The following GRHL2 variants were observed in gnomAD, a reference collection of about 807,000 sequenced individuals.
GRHL2 encodes the protein grainyhead-like protein 2 homolog.
GRHL2 carries 21 observed loss-of-function variants against 83.8 expected under a neutral mutation model. The ratio of observed to expected loss-of-function variants is 0.25; its 90% CI spans 0.18 to 0.36. GRHL2 has a LOEUF of 0.36. GRHL2 is among the 10% of genes least tolerant of loss of function. The pLI is 1.00. For synonymous variants in GRHL2, 280 were observed against 278.9 expected (o/e 1.00, Z -0.04); for missense variants, 623 against 781.8 (o/e 0.80, Z 2.42).
chr8:101,604,619 G>A (rs12678894), intron 8 of GRHL2, among the ~76,000 whole-genome samples: 77,379 of 151,896 alleles, frequency 0.51, 21,598 homozygotes, highest in African/African-American at 0.74. Context: ...CTGGAACACC[G>A]TAACAATTTG....
In GRHL2 at chr8:101,669,636, GA is replaced by G. The variant is rs1480774811; in HGVS notation, c.*2934del. On this transcript the variant is annotated 3_prime_UTR_variant, in exon 16 of 16. Transcript: ENST00000646743. ...TAACTTAATAGTTTTGTAAATGGGAGAGGGGGAATCTATAAACTATAAATAC... is the reference window on the plus strand; with the variant it reads ...TAACTTAATAGTTTTGTAAATGGGAGGGGGGAATCTATAAACTATAAATAC... The G allele has an allele frequency of 1.3e-5, 2 of 150,348 alleles. No individual in the cohort carries two copies. The highest frequency in any genetic ancestry group is 1.5e-5 in the Non-Finnish European group (1 of 67,972). 9.3% of individuals were successfully genotyped at this position (150,348 alleles called of 1,614,324 possible).
At chr8:101,603,073 TA>T (rs532530785) in intron 8 of GRHL2, among the ~76,000 whole-genome samples, 8 of 149,798 alleles carry the variant, frequency 5.3e-5, no homozygotes, top group Admixed American at 1.3e-4. Context: ...TCAAGATGTT[TA>T]AAAAAAAAAC....
chr8:101,499,248 GGCAACT>G (rs1810172672), intron 1 of GRHL2, among the ~76,000 whole-genome samples: 4 of 152,238 alleles, frequency 2.6e-5, no homozygotes, highest in African/African-American at 9.6e-5. Context: ...AGATAATTCA[GGCAACT>G]GCCTCAGTTC....
At chr8:101,497,798 A>G (rs1810138768) in intron 1 of GRHL2, among the ~76,000 whole-genome samples, 1 of 152,230 alleles carries the variant, frequency 6.6e-6, no homozygotes, top group African/African-American at 2.4e-5. Flanking sequence ...TGTATATCCA[A>G]TGTGTAAGTG....
intron 13 of GRHL2, among the ~76,000 whole-genome samples, chr8:101,644,686 C>G (rs551481296): frequency 6.6e-6 from 1 of 152,196 alleles, no homozygotes; most frequent in Non-Finnish European, 1.5e-5. Context: ...GGGTAAGAAA[C>G]AAAGCTTGAC....
chr8:101,601,159 AACACACACACACACAC>A (rs5893575), intron 8 of GRHL2, among the ~76,000 whole-genome samples: 1 of 137,410 alleles, frequency 7.3e-6, no homozygotes, highest in African/African-American at 2.9e-5. Context: ...GACTGTCTTA[AACACACACACACACAC>A]ACACACACAC....
chr8:101,507,669 T>G (rs796779857), intron 1 of GRHL2, among the ~76,000 whole-genome samples: 24 of 152,278 alleles, frequency 1.6e-4, no homozygotes, highest in African/African-American at 5.5e-4. Context: ...CCAATAGTTT[T>G]ACACTGGGTA....
downstream of GRHL2, among the ~76,000 whole-genome samples, chr8:101,673,286 T>C (rs908563439): frequency 1.3e-5 from 2 of 152,190 alleles, no homozygotes; most frequent in Admixed American, 6.5e-5. Flanking sequence ...GACCCATCTG[T>C]GTGCTGTATT....
intron 5 of GRHL2, among the ~76,000 whole-genome samples, chr8:101,571,314 T>G (rs1281932797): frequency 6.6e-6 from 1 of 152,074 alleles, no homozygotes; most frequent in Non-Finnish European, 1.5e-5. Flanking sequence ...ACATTCCAGG[T>G]AAAAGAGTCA....
intron 7 of GRHL2, 97 bp from the exon 8 acceptor site, chr8:101,598,960 C>T (rs147533924): frequency 5.0e-5 from 42 of 831,908 alleles, no homozygotes; most frequent in Non-Finnish European, 7.2e-5. Context: ...GAAAAATAAA[C>T]GAAGTTTAAA....
chr8:101,596,308 A>G (rs1275440039), intron 7 of GRHL2, among the ~76,000 whole-genome samples: 1 of 152,172 alleles, frequency 6.6e-6, no homozygotes, highest in Non-Finnish European at 1.5e-5. Flanking sequence ...AAACGAGAAC[A>G]CATGCATATG....
intron 1 of GRHL2, among the ~76,000 whole-genome samples, chr8:101,507,840 C>T (rs1810372565): frequency 7.5e-6 from 1 of 132,810 alleles, no homozygotes; most frequent in South Asian, 2.5e-4. Flanking sequence ...TGCAGTGGTG[C>T]AGTCTCAGCT....
chr8:101,528,015 T>G (rs1810842560), intron 1 of GRHL2, among the ~76,000 whole-genome samples: 1 of 152,232 alleles, frequency 6.6e-6, no homozygotes, highest in African/African-American at 2.4e-5. Flanking sequence ...GAAGTGCCAC[T>G]TTTTCATTAT....
chr8:101,651,571 G>C (rs909563921), intron 14 of GRHL2, among the ~76,000 whole-genome samples: 6 of 152,164 alleles, frequency 3.9e-5, no homozygotes, highest in African/African-American at 1.4e-4. Flanking sequence ...GATGCAGTTG[G>C]AATGGACCAC....
chr8:101,593,270 C>T (rs1470559140), intron 7 of GRHL2, among the ~76,000 whole-genome samples: 2 of 152,188 alleles, frequency 1.3e-5, no homozygotes, highest in African/African-American at 4.8e-5. Flanking sequence ...AAACCTGTTT[C>T]AGCCAATAAT....
chr8:101,629,424 CA>C (rs1300236092), intron 9 of GRHL2, among the ~76,000 whole-genome samples: 1 of 151,524 alleles, frequency 6.6e-6, no homozygotes, highest in African/African-American at 2.4e-5. Flanking sequence ...CACTGGGGAA[CA>C]AAAAAAGTGC....
intron 8 of GRHL2, among the ~76,000 whole-genome samples, chr8:101,619,165 A>T (rs1018369580): frequency 1.3e-5 from 2 of 152,128 alleles, no homozygotes; most frequent in African/African-American, 4.8e-5. Context: ...AGGCAGGAGA[A>T]TGGCGTGAAC....
At chr8:101,573,011 A>AC (rs1811858400) in intron 5 of GRHL2, among the ~76,000 whole-genome samples, 1 of 152,250 alleles carries the variant, frequency 6.6e-6, no homozygotes, top group South Asian at 2.1e-4. Flanking sequence ...CTTTATTTAC[A>AC]AAAACAGGCA....
intron 8 of GRHL2, among the ~76,000 whole-genome samples, chr8:101,604,584 C>T (rs1035745379): frequency 3.3e-5 from 5 of 152,134 alleles, no homozygotes; most frequent in African/African-American, 4.8e-5. Context: ...CTTTCAGGAA[C>T]ACTTTTCCTT....
Sources: gnomAD v4.1 joint callset for allele counts (sites outside exome capture counted in the v4.1 genomes callset) on GRCh38, gnomAD v4.1.1 for gene constraint, MANE v1.5 for transcripts, NCBI Gene and HGNC (gene_info 2026-07-23, HGNC 2026-07-21) for gene names.